ASCC3: variants seen among roughly 807,000 people sequenced by gnomAD.
ASCC3 encodes ASC-1 complex subunit P200.
A neutral mutation model predicts 256.3 loss-of-function variants in ASCC3; 158 were observed. The observed-to-expected ratio is 0.62, with a 90% CI of 0.54 to 0.70. The LOEUF (loss-of-function observed/expected upper bound fraction) is 0.70, where lower values mean the gene tolerates loss of function less well. Ranked by LOEUF, ASCC3 falls within the 30% of genes least tolerant of loss-of-function variation. The pLI is 0.00. For synonymous variants in ASCC3, 948 were observed against 883.4 expected, an observed-to-expected ratio of 1.07 and a Z score of -1.30; for missense variants, 2,259 against 2,626.0, an observed-to-expected ratio of 0.86 and a Z score of 3.05.
intron 4 of ASCC3, among the ~76,000 whole-genome samples, chr6:100,822,213 C>G (rs1286384674): frequency 1.3e-5 from 2 of 152,102 alleles, no homozygotes; most frequent in African/African-American, 4.8e-5. Context: ...AGCTTACAAA[C>G]CAAAATGACT....
chr6:100,609,979 G>C (rs1258378145), intron 30 of ASCC3, among the ~76,000 whole-genome samples: 3 of 152,118 alleles, frequency 2.0e-5, no homozygotes, highest in Non-Finnish European at 4.4e-5. Flanking sequence ...TGAAGCAGAG[G>C]ATAACATAAG....
intron 12 of ASCC3, 94 bp from the exon 13 acceptor site, chr6:100,715,627 A>G: frequency 1.0e-6 from 1 of 958,344 alleles, no homozygotes. Flanking sequence ...GCATTTTTTA[A>G]GCTTTCAGGC....
intron 36 of ASCC3, among the ~76,000 whole-genome samples, chr6:100,551,499 G>A (rs527757558): frequency 8.6e-5 from 13 of 151,622 alleles, no homozygotes; most frequent in African/African-American, 2.9e-4. Context: ...TAGAAAAGGG[G>A]GGACTGGCAC....
chr6:100,857,703 T>C (rs1314256855), intron 3 of ASCC3: 1 of 152,068 alleles, frequency 6.6e-6, no homozygotes, highest in African/African-American at 2.4e-5. Flanking sequence ...ACTAGTCCAT[T>C]TGCCTATTCT....
intron 36 of ASCC3, among the ~76,000 whole-genome samples, chr6:100,577,691 C>T (rs189193017): frequency 1.3e-5 from 2 of 152,100 alleles, no homozygotes; most frequent in Admixed American, 1.3e-4. Context: ...TCATGGTTTA[C>T]TACCATTGCC....
chr6:100,623,507 T>C (rs1774069006), intron 30 of ASCC3, among the ~76,000 whole-genome samples: 1 of 152,050 alleles, frequency 6.6e-6, no homozygotes, highest in Admixed American at 6.6e-5. Flanking sequence ...TCATGAGAAG[T>C]AGAAGGGGAG....
At chr6:100,797,473 A>G (rs1769681187) in intron 8 of ASCC3, among the ~76,000 whole-genome samples, 1 of 141,626 alleles carries the variant, frequency 7.1e-6, no homozygotes, top group Non-Finnish European at 1.6e-5. Context: ...AAAAAAAAAA[A>G]AAATGAAAAA....
At chr6:100,754,203 A>C (rs1373806449) in intron 10 of ASCC3, among the ~76,000 whole-genome samples, 1 of 152,216 alleles carries the variant, frequency 6.6e-6, no homozygotes, top group Admixed American at 6.5e-5. Context: ...AAATATAACA[A>C]GAAATTATAA....
At chr6:100,578,757 A>C (rs983746836) in intron 36 of ASCC3, among the ~76,000 whole-genome samples, 1 of 152,060 alleles carries the variant, frequency 6.6e-6, no homozygotes, top group Non-Finnish European at 1.5e-5. Context: ...CGGCAGAACA[A>C]TTTTTATTCC....
At chr6:100,561,278 C>G (rs572589783) in intron 36 of ASCC3, among the ~76,000 whole-genome samples, 1 of 152,080 alleles carries the variant, frequency 6.6e-6, no homozygotes, top group South Asian at 2.1e-4. Context: ...TTTTAAAGAG[C>G]CTTAGGGGTC....
At chr6:100,731,990 G>A (rs186332207) in intron 10 of ASCC3, among the ~76,000 whole-genome samples, 22 of 151,952 alleles carry the variant, frequency 1.4e-4, no homozygotes, top group East Asian at 1.9e-4. Flanking sequence ...GGCAAACCCC[G>A]TCTCTACTAA....
At chr6:100,850,402 A>G (rs1483439864) in intron 3 of ASCC3, among the ~76,000 whole-genome samples, 1 of 152,190 alleles carries the variant, frequency 6.6e-6, no homozygotes, top group African/African-American at 2.4e-5. Flanking sequence ...CTCTTTCAAG[A>G]TGAGTACAAC....
intron 37 of ASCC3, chr6:100,530,336 T>C: frequency 1.4e-6 from 2 of 1,426,842 alleles, no homozygotes; most frequent in Admixed American, 1.7e-5. Context: ...CTTCACACAA[T>C]CTAGTGAAAA....
At chr6:100,823,510 A>G (rs1771153698) in intron 4 of ASCC3, among the ~76,000 whole-genome samples, 1 of 152,232 alleles carries the variant, frequency 6.6e-6, no homozygotes, top group African/African-American at 2.4e-5. Context: ...TAAGGGAGAC[A>G]CAGTAGGTAT....
chr6:100,587,090 C>T (rs1362924324), intron 36 of ASCC3, among the ~76,000 whole-genome samples: 5 of 152,114 alleles, frequency 3.3e-5, no homozygotes, highest in East Asian at 1.9e-4. Context: ...ATAACAAAAG[C>T]AATGATAATG....
In ASCC3 at chr6:100,713,584, A is replaced by G. The variant is rs192027997; in HGVS notation, c.2151+1878T>C. Among the ~76,000 whole-genome samples, 5 of 152,294 alleles carry G rather than the reference A, an allele frequency of 3.3e-5. No individual in the cohort carries two copies. In the East Asian group the frequency reaches 7.7e-4, roughly 24 times the overall value. On this transcript the variant is annotated intron_variant, in intron 13 of 41. Transcript: ENST00000369162. ...GACTTTGAGTAACATCTGCATGTCA[A>G]TGTAGGTTCATTGATTGAATCAAAT...
At chr6:100,811,466 T>C (rs1004820287) in intron 4 of ASCC3, among the ~76,000 whole-genome samples, 4 of 152,130 alleles carry the variant, frequency 2.6e-5, no homozygotes, top group Non-Finnish European at 5.9e-5. Flanking sequence ...CAAATCATAC[T>C]ATAAGTGAAG....
intron 36 of ASCC3, among the ~76,000 whole-genome samples, chr6:100,579,308 T>C (rs1005366746): frequency 6.6e-6 from 1 of 152,042 alleles, no homozygotes; most frequent in African/African-American, 2.4e-5. Flanking sequence ...TTTACTCTAC[T>C]GATAGTTTGT....
At chr6:100,564,440 G>A (rs1314783537) in intron 36 of ASCC3, among the ~76,000 whole-genome samples, 1 of 152,000 alleles carries the variant, frequency 6.6e-6, no homozygotes, top group African/African-American at 2.4e-5. Flanking sequence ...ACACATGACT[G>A]CAAACATGTA....
Sources: gnomAD v4.1 joint callset for allele counts (sites outside exome capture counted in the v4.1 genomes callset) on GRCh38, gnomAD v4.1.1 for gene constraint, MANE v1.5 for transcripts, NCBI Gene and HGNC (gene_info 2026-07-23, HGNC 2026-07-21) for gene names.